Variants in HS6ST2 observed in about 807,000 individuals in gnomAD.
HS6ST2 encodes heparan sulfate 6-O-sulfotransferase 2, also known as heparan-sulfate 6-O-sulfotransferase 2.
A neutral mutation model predicts 33.0 loss-of-function variants in HS6ST2; 17 were observed. The observed-to-expected ratio is 0.52, with a 90% CI of 0.35 to 0.77. The LOEUF (loss-of-function observed/expected upper bound fraction) is 0.77. HS6ST2 is among the 30% of genes least tolerant of loss of function. The pLI is 0.01. For synonymous variants in HS6ST2, 248 were observed against 237.1 expected (o/e 1.05, Z -0.42); for missense variants, 519 against 551.7 (o/e 0.94, Z 0.59).
At chrX:132,760,758 A>G (rs2148309298) in intron 2 of HS6ST2, among the ~76,000 whole-genome samples, 1 of 109,351 alleles carries the variant, frequency 9.1e-6, no homozygotes, top group Admixed American at 9.8e-5. Flanking sequence ...CCACCTTTCC[A>G]CTCTGCTCTC....
chrX:132,781,262 G>A (rs933795250), intron 2 of HS6ST2, among the ~76,000 whole-genome samples: 2 of 111,820 alleles, frequency 1.8e-5, no homozygotes, highest in African/African-American at 3.3e-5. Flanking sequence ...GAATAACTTC[G>A]TATGTCCTAA....
chrX:132,830,984 AAGGGGGCGAC>A (rs1191720525), intron 2 of HS6ST2, among the ~76,000 whole-genome samples: 1 of 111,913 alleles, frequency 8.9e-6, no homozygotes. Context: ...GAAGGTAGTG[AAGGGGGCGAC>A]AGGGAAGACA....
chrX:132,862,103 A>C (rs1383345973), intron 2 of HS6ST2, among the ~76,000 whole-genome samples: 1 of 111,930 alleles, frequency 8.9e-6, no homozygotes, highest in Non-Finnish European at 1.9e-5. Flanking sequence ...GTTTTTCCCA[A>C]GTCATTAGTT....
At chrX:132,932,185 CAAA>C (rs61033088) in intron 2 of HS6ST2, among the ~76,000 whole-genome samples, 2 of 73,739 alleles carry the variant, frequency 2.7e-5, no homozygotes, top group Non-Finnish European at 2.5e-5. Flanking sequence ...GACTCCACCT[CAAA>C]AAAAAAAAAA....
In HS6ST2 at chrX:132,899,828, G is replaced by A. The variant is rs1366147260; in HGVS notation, c.947+56980C>T. Among the ~76,000 whole-genome samples the A allele has an allele frequency of 1.2e-4, 13 of 111,743 alleles. No homozygotes were observed. The Admixed American group carries it at 1.2e-3, about 11-fold the overall frequency. On this transcript the variant is annotated intron_variant, in intron 2 of 4. Transcript: ENST00000370833. The stretch of plus-strand genomic sequence containing the variant: ...ATCTAAGTACTGAAAAAATGTGAAA[G>A]TTGTTCAAAGGAACAAAGATAAAAA...
chrX:132,901,687 G>C (rs1410350383), intron 2 of HS6ST2, among the ~76,000 whole-genome samples: 1 of 111,747 alleles, frequency 8.9e-6, no homozygotes. Context: ...TTTAAGGGCA[G>C]AACAGTCTCT....
intron 4 of HS6ST2, among the ~76,000 whole-genome samples, chrX:132,636,215 G>A (rs751824424): frequency 8.9e-6 from 1 of 112,022 alleles, no homozygotes; most frequent in South Asian, 3.7e-4. Flanking sequence ...AGGAGAAGCA[G>A]CAGAGCTTAT....
At chrX:132,664,899 C>T (rs1013320975) in intron 4 of HS6ST2, among the ~76,000 whole-genome samples, 4 of 111,862 alleles carry the variant, frequency 3.6e-5, no homozygotes, top group African/African-American at 1.3e-4. Context: ...GTCTGTTTGT[C>T]TATCTACCTA....
chrX:132,712,845 A>G (rs1006674791), intron 2 of HS6ST2, among the ~76,000 whole-genome samples: 9 of 110,949 alleles, frequency 8.1e-5, no homozygotes. Context: ...GCCAACATGG[A>G]GAAACCTCGT....
chrX:132,892,767 C>T (rs1249114832), intron 2 of HS6ST2, among the ~76,000 whole-genome samples: 3 of 111,410 alleles, frequency 2.7e-5, no homozygotes, highest in Non-Finnish European at 5.7e-5. Flanking sequence ...TGCAGTGAGC[C>T]GAGATTGTGC....
chrX:132,837,279 G>A (rs1237145252), intron 2 of HS6ST2, among the ~76,000 whole-genome samples: 1 of 111,409 alleles, frequency 9.0e-6, no homozygotes, highest in Non-Finnish European at 1.9e-5. Flanking sequence ...TGTGATTCCA[G>A]TAGTTCCTCC....
chrX:132,942,216 G>A (rs781678367), intron 2 of HS6ST2, among the ~76,000 whole-genome samples: 7 of 111,652 alleles, frequency 6.3e-5, no homozygotes, highest in African/African-American at 2.3e-4. Flanking sequence ...CAAATAGTTC[G>A]TCAACCTTCA....
chrX:132,632,304 G>T (rs952200307), intron 4 of HS6ST2, among the ~76,000 whole-genome samples: 3 of 111,297 alleles, frequency 2.7e-5, no homozygotes, highest in African/African-American at 9.8e-5. Flanking sequence ...TCCATGTGTA[G>T]AAAGAAAGAA....
At chrX:132,632,319 C>T (rs989179875) in intron 4 of HS6ST2, among the ~76,000 whole-genome samples, 5 of 111,428 alleles carry the variant, frequency 4.5e-5, no homozygotes, top group Non-Finnish European at 7.5e-5. Context: ...AAAGAAAGAT[C>T]TGCTGAAGGG....
At chrX:132,912,558 G>A (rs1343431986) in intron 2 of HS6ST2, among the ~76,000 whole-genome samples, 1 of 112,851 alleles carries the variant, frequency 8.9e-6, no homozygotes, top group Non-Finnish European at 1.9e-5. Flanking sequence ...AACCCTCTGT[G>A]ATTGTGCTAA....
At position 132,913,052 on chromosome X, in the gene HS6ST2, C is replaced by T. The variant is rs766486897; in HGVS notation, c.947+43756G>A. Among the ~76,000 whole-genome samples the T allele has an allele frequency of 2.2e-4, 24 of 111,152 alleles. No homozygotes were observed. The South Asian group carries it at 7.8e-3, about 36-fold the overall frequency. On this transcript the variant is annotated intron_variant, in intron 2 of 4. Coordinates refer to ENST00000370833, the MANE Select transcript of HS6ST2 (RefSeq NM_001394073.1). ...TCCCCTTCCGAGTCCATAAAAACCCCGGACTCAGCCACACTTTGGGACCAC... is the reference window on the plus strand; with the variant it reads ...TCCCCTTCCGAGTCCATAAAAACCCTGGACTCAGCCACACTTTGGGACCAC...
intron 2 of HS6ST2, among the ~76,000 whole-genome samples, chrX:132,808,380 G>C (rs1158582288): frequency 8.9e-6 from 1 of 111,766 alleles, no homozygotes; most frequent in East Asian, 2.8e-4. Flanking sequence ...GGGCAAAGGA[G>C]ATTATTTGAC....
intron 2 of HS6ST2, among the ~76,000 whole-genome samples, chrX:132,922,537 G>A (rs1268068603): frequency 1.8e-5 from 2 of 111,824 alleles, no homozygotes; most frequent in Non-Finnish European, 3.8e-5. Flanking sequence ...TCAATGAAAA[G>A]AGTTAAACTC....
intron 2 of HS6ST2, among the ~76,000 whole-genome samples, chrX:132,830,837 C>T (rs1405487110): frequency 1.8e-5 from 2 of 111,213 alleles, no homozygotes; most frequent in Non-Finnish European, 3.8e-5. Context: ...TTAGTGAGGT[C>T]CCCAAGGCCC....
Sources: allele counts gnomAD v4.1 joint callset (sites outside exome capture counted in the v4.1 genomes callset), GRCh38; gene constraint gnomAD v4.1.1; transcripts MANE v1.5; gene names NCBI Gene and HGNC (gene_info 2026-07-23, HGNC 2026-07-21).